Variants in SPDYE12 observed in about 807,000 individuals in gnomAD.
The protein encoded by SPDYE12 is speedy protein E12.
the SPDYE12 span, chr7:74,909,507 C>T: frequency 1.9e-5 from 29 of 1,527,074 alleles, no homozygotes; most frequent in Non-Finnish European, 2.6e-5. Context: ...GGATAGGAGG[C>T]AGCAAACCAC....
chr7:74,907,253 CAGAGACCTGATCA>C, the SPDYE12 span, among the ~76,000 whole-genome samples: 2 of 151,122 alleles, frequency 1.3e-5, no homozygotes, highest in African/African-American at 2.4e-5. Context: ...CTCTGCTGGA[CAGAGACCTGATCA>C]AGGGCGTCTC....
At chr7:74,907,623 C>G in the SPDYE12 span, among the ~76,000 whole-genome samples, 1 of 150,582 alleles carries the variant, frequency 6.6e-6, no homozygotes, top group East Asian at 1.9e-4. Flanking sequence ...CCTAGCTACT[C>G]AAGAGGCTGA....
chr7:74,904,677 A>T, the SPDYE12 span, among the ~76,000 whole-genome samples: 2 of 151,142 alleles, frequency 1.3e-5, no homozygotes, highest in Non-Finnish European at 3.0e-5. Flanking sequence ...AAACAAAATT[A>T]TATGTATGTG....
the SPDYE12 span, among the ~76,000 whole-genome samples, chr7:74,908,368 G>A: frequency 8.5e-6 from 1 of 117,866 alleles, no homozygotes; most frequent in Non-Finnish European, 1.8e-5. Flanking sequence ...TGAGGTTGTC[G>A]TGCTTTGGAA....
chr7:74,904,907 C>A, the SPDYE12 span, among the ~76,000 whole-genome samples: 1 of 148,532 alleles, frequency 6.7e-6, no homozygotes, highest in Non-Finnish European at 1.5e-5. Context: ...ATATATTAGA[C>A]GTGTTAGTAT....
At chr7:74,908,986 T>C in the SPDYE12 span, among the ~76,000 whole-genome samples, 3 of 149,354 alleles carry the variant, frequency 2.0e-5, no homozygotes, top group African/African-American at 7.3e-5. Flanking sequence ...TGGCCTGTTT[T>C]ACTCTTGTAT....
At chr7:74,909,217 C>T in the SPDYE12 span, among the ~76,000 whole-genome samples, 3 of 150,822 alleles carry the variant, frequency 2.0e-5, no homozygotes, top group Admixed American at 1.3e-4. Context: ...ACATGCCCGA[C>T]TGATTTTTCT....
the SPDYE12 span, among the ~76,000 whole-genome samples, chr7:74,907,411 A>G: frequency 1.6e-3 from 248 of 151,450 alleles, 3 homozygotes; most frequent in African/African-American, 5.6e-3. Context: ...CCTGGGCAAC[A>G]TAGCAAGACC....
chr7:74,909,348 A>G, the SPDYE12 span, among the ~76,000 whole-genome samples: 2 of 151,416 alleles, frequency 1.3e-5, no homozygotes, highest in Admixed American at 6.6e-5. Context: ...GCCACCATGC[A>G]CAGCCTGAGT....
chr7:74,908,658 G>GTTTTTTTTT, the SPDYE12 span, among the ~76,000 whole-genome samples: 1 of 65,994 alleles, frequency 1.5e-5, no homozygotes, highest in Non-Finnish European at 3.0e-5. Context: ...TTTGTTTTTT[G>GTTTTTTTTT]TTCTTTTTTT....
the SPDYE12 span, among the ~76,000 whole-genome samples, chr7:74,905,117 G>GA: frequency 8.8e-6 from 1 of 113,698 alleles, no homozygotes; most frequent in African/African-American, 3.6e-5. Flanking sequence ...TAATAATACA[G>GA]AAAAAAATTT....
chr7:74,909,053 C>T, the SPDYE12 span, among the ~76,000 whole-genome samples: 1,595 of 45,050 alleles, frequency 0.035, no homozygotes, highest in Non-Finnish European at 0.047. Flanking sequence ...TTTTTTTTGG[C>T]TTTTTTTTTT....
the SPDYE12 span, among the ~76,000 whole-genome samples, chr7:74,904,629 A>G: frequency 6.6e-6 from 1 of 151,592 alleles, no homozygotes; most frequent in Non-Finnish European, 1.5e-5. Context: ...TTGAAAGGTA[A>G]AAGATTTAGG....
the SPDYE12 span, among the ~76,000 whole-genome samples, chr7:74,908,540 T>G: frequency 7.8e-6 from 1 of 127,916 alleles, no homozygotes; most frequent in African/African-American, 3.0e-5. Context: ...GCGGTTGATG[T>G]GGGAAGGAGA....
the SPDYE12 span, among the ~76,000 whole-genome samples, chr7:74,909,033 GTTTTTTTTTTTTTTTTTGGC>G: frequency 9.4e-5 from 3 of 32,002 alleles, no homozygotes; most frequent in African/African-American, 1.8e-4. Flanking sequence ...TTTTTGCCTG[GTTTTTTTTTTTTTTTTTGGC>G]TTTTTTTTTT....
the SPDYE12 span, among the ~76,000 whole-genome samples, chr7:74,911,055 G>A: frequency 7.4e-6 from 1 of 135,736 alleles, no homozygotes; most frequent in Non-Finnish European, 1.6e-5. Flanking sequence ...CTGGGCAAGG[G>A]AGAGAGGCTC....
chr7:74,908,544 A>G, the SPDYE12 span, among the ~76,000 whole-genome samples: 1 of 130,276 alleles, frequency 7.7e-6, no homozygotes, highest in African/African-American at 2.9e-5. Flanking sequence ...TTGATGTGGG[A>G]AGGAGAGAGA....
At chr7:74,908,667 T>TG in the SPDYE12 span, among the ~76,000 whole-genome samples, 2 of 94,044 alleles carry the variant, frequency 2.1e-5, no homozygotes, top group African/African-American at 4.2e-5. Flanking sequence ...TGTTCTTTTT[T>TG]TTTTTTTTTT....
At chr7:74,910,519 G>A in the SPDYE12 span, among the ~76,000 whole-genome samples, 74 of 146,520 alleles carry the variant, frequency 5.1e-4, no homozygotes, top group African/African-American at 1.7e-3. Context: ...GCAAAACCCC[G>A]TCTCTACTAA....
Sources: allele counts gnomAD v4.1 joint callset (sites outside exome capture counted in the v4.1 genomes callset), GRCh38; gene constraint gnomAD v4.1.1; transcripts MANE v1.5; gene names NCBI Gene and HGNC (gene_info 2026-07-23, HGNC 2026-07-21).